Variants in ANGPTL5 observed in about 807,000 individuals in gnomAD.
The protein encoded by ANGPTL5 is angiopoietin like 5.
A neutral mutation model predicts 39.4 loss-of-function variants in ANGPTL5; 34 were observed. The observed-to-expected ratio is 0.86, with a 90% confidence interval of 0.66 to 1.15. The LOEUF is 1.15. Ranked by LOEUF, ANGPTL5 falls within the 50% of genes most tolerant of loss-of-function variation. The pLI, the probability that ANGPTL5 is intolerant of heterozygous loss-of-function variation, is 0.00. For synonymous variants in ANGPTL5, 146 were observed against 152.1 expected, an observed-to-expected ratio of 0.96 and a Z score of 0.29; for missense variants, 467 against 457.5, an observed-to-expected ratio of 1.02 and a Z score of -0.19.
At chr11:101,915,139 G>A (rs1940172248) in intron 1 of ANGPTL5, 5 of 1,246,204 alleles carry the variant, frequency 4.0e-6, no homozygotes, top group Non-Finnish European at 5.5e-6. Context: ...GCGGGAGCTA[G>A]GGCTGTCGAG....
At chr11:101,903,519 C>A (rs919658811) in intron 5 of ANGPTL5, among the ~76,000 whole-genome samples, 2 of 152,192 alleles carry the variant, frequency 1.3e-5, no homozygotes, top group South Asian at 4.1e-4. Flanking sequence ...TAACTATTTA[C>A]GTAGTAAGGT....
chr11:101,906,961 G>C, intron 3 of ANGPTL5, 142 bp downstream of exon 3: 2 of 624,426 alleles, frequency 3.2e-6, no homozygotes, highest in Non-Finnish European at 5.3e-6. Flanking sequence ...CCTATTATGG[G>C]CCAAACAATA....
At chr11:101,898,516 G>A (rs1001841715) in intron 7 of ANGPTL5, among the ~76,000 whole-genome samples, 6 of 152,198 alleles carry the variant, frequency 3.9e-5, no homozygotes, top group Non-Finnish European at 8.8e-5. Context: ...CTTTGCTGAA[G>A]TTGCTTATCA....
chr11:101,915,074 G>A lies in ANGPTL5; in HGVS notation c.-93+945C>T, dbSNP rs911490223. Reference sequence around the variant, plus strand: ...CTGCCGCCCCATCTGCTATTGCCCGGCGAGGTCGCCGCTGCCTCAGCTGCC... The same window carrying A: ...CTGCCGCCCCATCTGCTATTGCCCGACGAGGTCGCCGCTGCCTCAGCTGCC... On this transcript the variant is annotated intron_variant, in intron 1 of 8. Transcript: ENST00000334289. 24 of 605,584 alleles carry A rather than the reference G, an allele frequency of 4.0e-5. No individual in the cohort carries two copies. In the African/African-American group the frequency reaches 4.1e-4, roughly 10 times the overall value. 37.5% of individuals were successfully genotyped at this position (605,584 alleles called of 1,614,324 possible).
Position 101,891,506 on chromosome 11 carries a change from A to G in ANGPTL5, c.940T>C (p.Cys314Arg), listed in dbSNP as rs1939695504. Residue 314 changes from cysteine (C) to arginine (R), a missense_variant, in exon 9 of 9, where the codon TGC becomes CGC. By Grantham distance (180) the Cys-to-Arg change is radical. Coordinates refer to ENST00000334289, the MANE Select transcript of ANGPTL5 (RefSeq NM_178127.5). ...DVDNDGCRPA[C>R]LVNGQSVKSC... ...TTCACAGACTGACCATTGACCAGGC[A>G]TGCAGGGCGACACCCATCATTATCA... is the stretch of plus-strand genomic sequence containing the variant. 5 of 1,614,110 alleles carry G rather than the reference A, an allele frequency of 3.1e-6. No homozygotes were observed. In the East Asian group the frequency reaches 6.7e-5, roughly 22 times the overall value.
intron 8 of ANGPTL5, among the ~76,000 whole-genome samples, chr11:101,893,837 A>C (rs1380698809): frequency 6.6e-6 from 1 of 152,132 alleles, no homozygotes; most frequent in Non-Finnish European, 1.5e-5. Context: ...ACTCTCTGTG[A>C]CCTATAATTT....
At chr11:101,906,198 C>T (rs1351926966) in intron 3 of ANGPTL5, among the ~76,000 whole-genome samples, 1 of 152,094 alleles carries the variant, frequency 6.6e-6, no homozygotes, top group Non-Finnish European at 1.5e-5. Context: ...TCAATTCTTA[C>T]TGTAAAAGAA....
intron 3 of ANGPTL5, 36 bp downstream of exon 3, chr11:101,907,067 T>C (rs748314159): frequency 3.5e-5 from 50 of 1,435,264 alleles, no homozygotes; most frequent in Middle Eastern, 2.1e-4. Context: ...TAATGAATCA[T>C]ATACTCTTAT....
chr11:101,898,764 T>G (rs1939842590), intron 7 of ANGPTL5, among the ~76,000 whole-genome samples: 1 of 152,218 alleles, frequency 6.6e-6, no homozygotes, highest in Admixed American at 6.5e-5. Context: ...CCATTCAATA[T>G]GATATTGGCT....
intron 1 of ANGPTL5, among the ~76,000 whole-genome samples, chr11:101,914,318 T>G (rs1326706597): frequency 6.6e-6 from 1 of 152,228 alleles, no homozygotes; most frequent in Non-Finnish European, 1.5e-5. Flanking sequence ...GTCACTTGCA[T>G]AGCCAATAAA....
At position 101,904,869 on chromosome 11, in the gene ANGPTL5, T is replaced by C; in HGVS notation, c.384A>G (p.Thr128=). 1 of 1,613,720 alleles carries C rather than the reference T, an allele frequency of 6.2e-7. No individual in the cohort carries two copies. Among genetic ancestry groups the C allele is most frequent in the Non-Finnish European group, 8.5e-7 (1 of 1,179,688 alleles). ...ELMNRVLLLT[T]EVFRKQLDPF... ...GATCCAGCTGTTTTCTAAAAACTTC[T>C]GTAGTCAAAAGGAGAACTCTATTCA... is the stretch of plus-strand genomic sequence containing the variant. The change falls in exon 5 of 9, where the codon ACA becomes ACG. Residue 128 remains threonine, a synonymous_variant. Coordinates refer to ENST00000334289, the MANE Select transcript of ANGPTL5 (RefSeq NM_178127.5).
rs1939680760 is a variant in ANGPTL5, at chr11:101,890,929, A to G, written c.*350T>C. The G allele has an allele frequency of 5.5e-6, 1 of 180,414 alleles. No individual in the cohort carries two copies. Among genetic ancestry groups the G allele is most frequent in the Non-Finnish European group, 1.2e-5 (1 of 85,118 alleles). 11.2% of individuals were successfully genotyped at this position (180,414 alleles called of 1,614,324 possible). ...ATCATATAAAGTATAAAAATAAGTA[A>G]AATATTCCCTTCAATTTTCCTTACA... On this transcript the variant is annotated 3_prime_UTR_variant, in exon 9 of 9. Coordinates refer to ENST00000334289, the MANE Select transcript of ANGPTL5 (RefSeq NM_178127.5).
rs190138306 is a variant in ANGPTL5, at chr11:101,906,890, T to A, written c.241+213A>T. 2.6e-5 allele frequency among the ~76,000 whole-genome samples: 4 copies of A among 152,180 alleles called. No homozygotes were observed. In the East Asian group the frequency reaches 5.8e-4, roughly 22 times the overall value. ...TTTGAGAAGCCTGAGACCCTTTTGT[T>A]GCACACAGAATTAGCTACATAGAGA... On this transcript the variant is annotated intron_variant, in intron 3 of 8. Transcript: ENST00000334289.
intron 7 of ANGPTL5, among the ~76,000 whole-genome samples, chr11:101,899,541 T>C (rs759914105): frequency 2.0e-5 from 3 of 152,244 alleles, no homozygotes; most frequent in Non-Finnish European, 4.4e-5. Context: ...AAAGCCTGCA[T>C]ATGGATCTAT....
chr11:101,913,181 A>T (rs557126546), intron 1 of ANGPTL5, among the ~76,000 whole-genome samples: 2 of 152,156 alleles, frequency 1.3e-5, no homozygotes, highest in South Asian at 4.2e-4. Context: ...ATCACCAACC[A>T]TGAGGTGGTT....
In ANGPTL5 at chr11:101,911,988, C is replaced by G. The variant is rs190758404; in HGVS notation, c.-92-3987G>C. On this transcript the variant is annotated intron_variant, in intron 1 of 8. Transcript: ENST00000334289. ...TAATTTCCCTTCCTTTGGGGCCTTT[C>G]CTGAGCACCCTCTCACAGATAGAAC... Among the ~76,000 whole-genome samples, 3 of 152,340 alleles carry G rather than the reference C, an allele frequency of 2.0e-5. No homozygotes were observed. The East Asian group carries it at 5.8e-4, about 29-fold the overall frequency.
chr11:101,905,257 A>C (rs927627033), intron 4 of ANGPTL5, among the ~76,000 whole-genome samples: 7 of 152,128 alleles, frequency 4.6e-5, no homozygotes, highest in African/African-American at 1.7e-4. Context: ...TCCTTGCTTA[A>C]ACACTACAGT....
At position 101,911,094 on chromosome 11, in the gene ANGPTL5, CTTTTTTTTTTTTTTTTTTTTTTTTTT is replaced by C. The variant is rs71059524; in HGVS notation, c.-92-3119_-92-3094del. The stretch of plus-strand genomic sequence containing the variant: ...TTTGGACCTGCATCCCTACCCAAAT[CTTTTTTTTTTTTTTTTTTTTTTTTTT>C]TTTTTTTTTTTTTTTTTTTTTGAGA... On this transcript the variant is annotated intron_variant, in intron 1 of 8. Coordinates refer to ENST00000334289, the MANE Select transcript of ANGPTL5 (RefSeq NM_178127.5). Among the ~76,000 whole-genome samples the C allele has an allele frequency of 9.9e-3, 545 of 54,916 alleles. 2 individuals carry two copies. Among genetic ancestry groups the C allele is most frequent in the Non-Finnish European group, 0.014 (403 of 29,108 alleles). 36.0% of individuals were successfully genotyped at this position (54,916 alleles called of 152,430 possible).
intron 3 of ANGPTL5, 38 bp downstream of exon 3, chr11:101,907,065 C>A: frequency 7.0e-7 from 1 of 1,428,622 alleles, no homozygotes; most frequent in South Asian, 1.2e-5. Flanking sequence ...AATAATGAAT[C>A]ATATACTCTT....
Sources: gnomAD v4.1 joint callset for allele counts (sites outside exome capture counted in the v4.1 genomes callset) on GRCh38, gnomAD v4.1.1 for gene constraint, MANE v1.5 for transcripts, NCBI Gene and HGNC (gene_info 2026-07-23, HGNC 2026-07-21) for gene names.